Variants in VMA12 observed in about 807,000 individuals in gnomAD.
VMA12 encodes the protein vacuolar ATPase assembly protein VMA12.
the VMA12 span, chr17:28,361,345 A>G: frequency 8.1e-7 from 1 of 1,235,110 alleles, no homozygotes. Context: ...GACTTTTTGT[A>G]TTCAGCTCCA....
the VMA12 span, chr17:28,361,042 T>C: frequency 9.3e-7 from 1 of 1,069,934 alleles, no homozygotes. Flanking sequence ...TCTCTTTTCT[T>C]CCCCTCCCCC....
chr17:28,357,685 G>A, the VMA12 span: 11 of 1,612,624 alleles, frequency 6.8e-6, no homozygotes, highest in Non-Finnish European at 9.3e-6. Context: ...CGTCCTCTTT[G>A]CTTGCGGGCG....
At chr17:28,359,380 G>A in the VMA12 span, 5 of 1,614,006 alleles carry the variant, frequency 3.1e-6, no homozygotes, top group African/African-American at 2.7e-5. Context: ...AATATAAACG[G>A]ATCACCCGCA....
the VMA12 span, chr17:28,363,239 G>A: frequency 6.6e-6 from 1 of 152,222 alleles, no homozygotes; most frequent in African/African-American, 2.4e-5. Context: ...CAGCTCCAGA[G>A]GTGGAGGTGA....
the VMA12 span, among the ~76,000 whole-genome samples, chr17:28,359,823 T>G: frequency 6.6e-6 from 1 of 152,034 alleles, no homozygotes; most frequent in Non-Finnish European, 1.5e-5. Flanking sequence ...GAGAATCACT[T>G]GAACCCAGGA....
the VMA12 span, chr17:28,358,264 G>A: frequency 2.5e-6 from 1 of 404,712 alleles, no homozygotes; most frequent in African/African-American, 2.1e-5. Context: ...TCAAAAGCAA[G>A]AGTGGTGAAA....
the VMA12 span, chr17:28,363,534 G>A: frequency 6.6e-6 from 1 of 152,120 alleles, no homozygotes; most frequent in Non-Finnish European, 1.5e-5. Flanking sequence ...GTTTTATTTG[G>A]AGATTAGTTG....
the VMA12 span, chr17:28,358,899 A>G: frequency 6.2e-7 from 1 of 1,602,902 alleles, no homozygotes; most frequent in Non-Finnish European, 8.5e-7. Flanking sequence ...TGTGTTTGTG[A>G]AACCTTTTCT....
At chr17:28,359,019 T>A in the VMA12 span, 7 of 1,566,768 alleles carry the variant, frequency 4.5e-6, no homozygotes, top group Non-Finnish European at 6.1e-6. Context: ...GTGAGAGTGG[T>A]TATTGACTGA....
the VMA12 span, chr17:28,360,716 C>T: frequency 6.2e-7 from 1 of 1,612,130 alleles, no homozygotes; most frequent in East Asian, 2.2e-5. Context: ...AAGGTGCCCT[C>T]TCTGGCTCCT....
chr17:28,359,984 T>C, the VMA12 span, among the ~76,000 whole-genome samples: 2 of 152,098 alleles, frequency 1.3e-5, no homozygotes, highest in Non-Finnish European at 2.9e-5. Flanking sequence ...TTTTTTTTTT[T>C]TGAGATGGAG....
the VMA12 span, chr17:28,359,434 A>G: frequency 3.1e-6 from 5 of 1,608,032 alleles, no homozygotes; most frequent in African/African-American, 5.3e-5. Flanking sequence ...TACGTGGTCT[A>G]GGTAGCCCCT....
the VMA12 span, chr17:28,358,870 A>G: frequency 2.7e-5 from 41 of 1,535,510 alleles, no homozygotes; most frequent in Non-Finnish European, 3.3e-5. Flanking sequence ...TAACCCTTCA[A>G]CCTCAGCTCG....
the VMA12 span, chr17:28,360,513 T>C: frequency 6.2e-7 from 1 of 1,613,752 alleles, no homozygotes; most frequent in Admixed American, 1.7e-5. Flanking sequence ...AATCATCTTC[T>C]TTTTCTTTTT....
At chr17:28,359,702 C>T in the VMA12 span, 59 of 192,084 alleles carry the variant, frequency 3.1e-4, no homozygotes, top group African/African-American at 1.1e-3. Flanking sequence ...GTCGGGAGTT[C>T]GTGACCAGCC....
chr17:28,361,067 T>A, the VMA12 span: 16 of 1,283,494 alleles, frequency 1.2e-5, no homozygotes, highest in African/African-American at 1.8e-4. Flanking sequence ...TAGAGGGTGG[T>A]TGGGGGGCTC....
At chr17:28,359,352 T>C in the VMA12 span, 1 of 1,614,114 alleles carries the variant, frequency 6.2e-7, no homozygotes, top group Admixed American at 1.7e-5. Flanking sequence ...AAGATTAAGA[T>C]ACAGCTGGCC....
the VMA12 span, chr17:28,363,510 G>A: frequency 6.6e-6 from 1 of 152,116 alleles, no homozygotes; most frequent in African/African-American, 2.4e-5. Context: ...TCCAGATTAA[G>A]GTACAGAGTT....
chr17:28,363,029 G>A, the VMA12 span: 4 of 152,174 alleles, frequency 2.6e-5, no homozygotes, highest in Non-Finnish European at 5.9e-5. Flanking sequence ...GGGAACTAGC[G>A]TTTACTGAGT....
Sources: gnomAD v4.1 joint callset for allele counts (sites outside exome capture counted in the v4.1 genomes callset) on GRCh38, gnomAD v4.1.1 for gene constraint, MANE v1.5 for transcripts, NCBI Gene and HGNC (gene_info 2026-07-23, HGNC 2026-07-21) for gene names.